Variants in TCF25 observed in about 807,000 individuals in gnomAD.
TCF25 encodes the protein ribosome quality control complex subunit TCF25.
A neutral mutation model predicts 83.1 loss-of-function variants in TCF25; 41 were observed. The ratio of observed to expected loss-of-function variants is 0.49; its 90% confidence interval spans 0.38 to 0.64. The LOEUF (loss-of-function observed/expected upper bound fraction) is 0.64. Among genes scored for constraint, TCF25 ranks in the 30% least tolerant of loss-of-function variants. TCF25 has a pLI of 0.00. For synonymous variants in TCF25, 458 were observed against 365.0 expected (o/e 1.25, Z -2.90); for missense variants, 979 against 914.5 (o/e 1.07, Z -0.91).
At chr16:89,906,394 G>A (rs935845689) in intron 15 of TCF25, 110 bp downstream of exon 15, 6 of 1,032,734 alleles carry the variant, frequency 5.8e-6, no homozygotes, top group Admixed American at 4.1e-5. Flanking sequence ...TCCCTCAGCA[G>A]CCCAGCCCCG....
At chr16:89,903,282 G>A (rs1597369455) in intron 12 of TCF25, among the ~76,000 whole-genome samples, 2 of 152,232 alleles carry the variant, frequency 1.3e-5, no homozygotes, top group African/African-American at 4.8e-5. Flanking sequence ...CCTACATGGC[G>A]GCCTCTGCCC....
chr16:89,885,768 A>G (rs1037308351), intron 3 of TCF25, 80 bp from the exon 4 acceptor site: 123 of 1,218,856 alleles, frequency 1.0e-4, no homozygotes, highest in Non-Finnish European at 1.4e-4. Flanking sequence ...GGTCTCTTTT[A>G]AGATAAATAA....
Position 89,878,383 on chromosome 16 carries a change from C to G in TCF25, c.192+4524C>G, listed in dbSNP as rs1407161209. ...GGTGGACCACCTGAGGTCAGGAGTT[C>G]GAGACCAGCCTGGCCGACATGGTGA... On this transcript the variant is annotated intron_variant, in intron 1 of 17. Transcript: ENST00000263346. 6 of 1,176,734 alleles carry G rather than the reference C, an allele frequency of 5.1e-6. No individual in the cohort carries two copies. In the Admixed American group the frequency reaches 1.7e-4, roughly 34 times the overall value. 72.9% of individuals were successfully genotyped at this position (1,176,734 alleles called of 1,614,324 possible).
At chr16:89,883,308 A>G in intron 1 of TCF25, 43 bp from the exon 2 acceptor site, 7 of 1,604,304 alleles carry the variant, frequency 4.4e-6, no homozygotes, top group East Asian at 4.5e-5. Flanking sequence ...GAGCGTTCAC[A>G]CTGTAAGTAA....
chr16:89,900,801 G>A lies in TCF25; in HGVS notation c.1381+7G>A, dbSNP rs373166622. 5 of 1,566,202 alleles carry A rather than the reference G, an allele frequency of 3.2e-6. No individual in the cohort carries two copies. In the African/African-American group the frequency reaches 5.4e-5, roughly 17 times the overall value. On this transcript the variant is annotated splice_region_variant and intron_variant, in intron 12 of 17. Transcript: ENST00000263346. Reference sequence around the variant, plus strand: ...CTCACCATGTTCCCTGGAGGTGAGTGAGCGCTGTGTCTCGCCTGGGGTAGG... The same window carrying A: ...CTCACCATGTTCCCTGGAGGTGAGTAAGCGCTGTGTCTCGCCTGGGGTAGG...
At chr16:89,875,159 T>C (rs1364847339) in intron 1 of TCF25, among the ~76,000 whole-genome samples, 4 of 152,210 alleles carry the variant, frequency 2.6e-5, no homozygotes, top group African/African-American at 9.6e-5. Context: ...GCCACTGTGC[T>C]TGGCCCCGTA....
intron 7 of TCF25, 175 bp downstream of exon 7, chr16:89,894,033 G>C: frequency 2.2e-6 from 2 of 924,332 alleles, no homozygotes; most frequent in Non-Finnish European, 3.2e-6. Flanking sequence ...GATGTGTTCG[G>C]AGGCTCTAGG....
At chr16:89,891,734 CTTTTCGTTTTCTTTT>C (rs1821421961) in intron 5 of TCF25, among the ~76,000 whole-genome samples, 1 of 152,190 alleles carries the variant, frequency 6.6e-6, no homozygotes, top group Non-Finnish European at 1.5e-5. Flanking sequence ...TGTTCTCTTT[CTTTTCGTTTTCTTTT>C]TTTATTTTCC....
At chr16:89,904,852 G>A (rs1334845310) in intron 13 of TCF25, 86 bp from the exon 14 acceptor site, 15 of 1,502,172 alleles carry the variant, frequency 1.0e-5, no homozygotes, top group Admixed American at 1.9e-5. Context: ...TGGACCCCCC[G>A]TCTGCCCATC....
chr16:89,906,727 C>T (rs750054131), intron 15 of TCF25, among the ~76,000 whole-genome samples: 21 of 152,120 alleles, frequency 1.4e-4, no homozygotes, highest in Non-Finnish European at 3.1e-4. Flanking sequence ...GTCGCAGGAC[C>T]GTGGACCGTC....
At chr16:89,907,201 G>C (rs201731442) in intron 15 of TCF25, 42 bp from the exon 16 acceptor site, 1 of 1,600,854 alleles carries the variant, frequency 6.2e-7, no homozygotes, top group Non-Finnish European at 8.5e-7. Context: ...GAGGCCCCCT[G>C]GCAGCATCTG....
chr16:89,905,532 C>T (rs749551699), intron 14 of TCF25, among the ~76,000 whole-genome samples: 1 of 152,220 alleles, frequency 6.6e-6, no homozygotes, highest in South Asian at 2.1e-4. Context: ...GTTCTTGTCT[C>T]GTTTGTCTGC....
At chr16:89,882,998 T>C (rs1362247777) in intron 1 of TCF25, among the ~76,000 whole-genome samples, 1 of 152,252 alleles carries the variant, frequency 6.6e-6, no homozygotes, top group Non-Finnish European at 1.5e-5. Flanking sequence ...GAAGGAACTT[T>C]AATGCATTGG....
At chr16:89,901,322 G>A (rs73276568) in intron 12 of TCF25, among the ~76,000 whole-genome samples, 6,469 of 152,300 alleles carry the variant, frequency 0.042, 486 homozygotes, top group African/African-American at 0.15. Flanking sequence ...GACCCTGCCT[G>A]ACAGCATGTG....
At chr16:89,888,602 AG>A (rs1210237513) in intron 5 of TCF25, among the ~76,000 whole-genome samples, 3 of 151,482 alleles carry the variant, frequency 2.0e-5, no homozygotes, top group African/African-American at 7.3e-5. Flanking sequence ...AAAAAAAAAA[AG>A]ATTCTAGTTT....
At position 89,906,344 on chromosome 16, in the gene TCF25, T is replaced by A. The variant is rs1005179493; in HGVS notation, c.1719+60T>A. 2.6e-6 allele frequency: 4 copies of A among 1,551,634 alleles called. No homozygotes were observed. In the African/African-American group the frequency reaches 5.4e-5, roughly 21 times the overall value. ...AAGCCGGTCACATGCACGTCCCTTCTGCTCCGGGCGGTCCACATGCAGGCG... is the reference window on the plus strand; with the variant it reads ...AAGCCGGTCACATGCACGTCCCTTCAGCTCCGGGCGGTCCACATGCAGGCG... On this transcript the variant is annotated intron_variant, in intron 15 of 17. Coordinates refer to ENST00000263346, the MANE Select transcript of TCF25 (RefSeq NM_014972.3).
chr16:89,902,659 A>AGCCTG (rs1394774080), intron 12 of TCF25, among the ~76,000 whole-genome samples: 1 of 145,768 alleles, frequency 6.9e-6, no homozygotes, highest in Non-Finnish European at 1.5e-5. Flanking sequence ...ACTGCACTCC[A>AGCCTG]GCCTGGGCAA....
chr16:89,883,292 C>G (rs2042744650), intron 1 of TCF25, 59 bp from the exon 2 acceptor site: 2 of 1,587,356 alleles, frequency 1.3e-6, no homozygotes, highest in African/African-American at 2.7e-5. Context: ...ATTCATATCT[C>G]AGCATGAGCG....
intron 16 of TCF25, among the ~76,000 whole-genome samples, chr16:89,908,108 C>G (rs1355491072): frequency 7.2e-6 from 1 of 138,900 alleles, no homozygotes; most frequent in Admixed American, 7.1e-5. Flanking sequence ...TTCCCAGCTC[C>G]CAGCTCCCGC....
Sources: allele counts gnomAD v4.1 joint callset (sites outside exome capture counted in the v4.1 genomes callset), GRCh38; gene constraint gnomAD v4.1.1; transcripts MANE v1.5; gene names NCBI Gene and HGNC (gene_info 2026-07-23, HGNC 2026-07-21).